Variants in KLF8 observed in about 807,000 individuals in gnomAD.
KLF8 encodes the protein Krueppel-like factor 8.
A neutral mutation model predicts 18.2 loss-of-function variants in KLF8; 10 were observed. The observed-to-expected ratio is 0.55, with a 90% CI of 0.34 to 0.93. KLF8 has a LOEUF of 0.93. Ranked by LOEUF, KLF8 falls within the 40% of genes least tolerant of loss-of-function variation. KLF8 has a pLI of 0.02. For synonymous variants in KLF8, 109 were observed against 97.3 expected, an observed-to-expected ratio of 1.12 and a Z score of -0.71; for missense variants, 264 against 277.9, an observed-to-expected ratio of 0.95 and a Z score of 0.36.
the KLF8 span, among the ~76,000 whole-genome samples, chrX:56,216,224 T>A: frequency 0.027 from 3,036 of 110,648 alleles, 87 homozygotes; most frequent in African/African-American, 0.095. Context: ...AGCCTCCTAA[T>A]TGGTCTCCCC....
At chrX:56,242,968 A>G in intron 1 of KLF8, 2 of 471,896 alleles carry the variant, frequency 4.2e-6, no homozygotes, top group Non-Finnish European at 7.8e-6. Context: ...GGCAACATCC[A>G]AAGCATTGTA....
chrX:56,276,343 G>A (rs761160575), intron 5 of KLF8, among the ~76,000 whole-genome samples: 7 of 111,481 alleles, frequency 6.3e-5, no homozygotes, highest in Non-Finnish European at 1.1e-4. Context: ...TTACCAGTGA[G>A]TTGTGTACCT....
chrX:56,117,584 C>A, the KLF8 span, among the ~76,000 whole-genome samples: 1 of 111,886 alleles, frequency 8.9e-6, no homozygotes, highest in Admixed American at 9.5e-5. Context: ...AACAGTGAAA[C>A]AATTATTCTA....
chrX:56,156,874 T>C, the KLF8 span, among the ~76,000 whole-genome samples: 41 of 107,899 alleles, frequency 3.8e-4, no homozygotes, highest in Admixed American at 4.1e-3. Context: ...GCTTCATCCA[T>C]AACCCTACAA....
At chrX:55,980,321 A>C in the KLF8 span, among the ~76,000 whole-genome samples, 47 of 112,287 alleles carry the variant, frequency 4.2e-4, no homozygotes, top group Non-Finnish European at 8.1e-4. Context: ...TTTAATACTC[A>C]GGTCAGACAT....
chrX:56,181,797 C>CT, the KLF8 span, among the ~76,000 whole-genome samples: 1 of 105,375 alleles, frequency 9.5e-6, no homozygotes, highest in African/African-American at 3.6e-5. Context: ...GCTCCCCCCC[C>CT]TTCTGGCTTG....
the KLF8 span, among the ~76,000 whole-genome samples, chrX:56,155,696 C>T: frequency 9.0e-5 from 10 of 111,156 alleles, 1 homozygote; most frequent in South Asian, 3.4e-3. Flanking sequence ...ACAGGATGTA[C>T]ATTATAGATT....
Position 56,265,827 on chromosome X carries a change from T to G in KLF8, c.646+83T>G, listed in dbSNP as rs927996124. The stretch of plus-strand genomic sequence containing the variant: ...ATCCTATCTCCTGTCTCTTTTCACT[T>G]CCTCCAATTATTCTTGCACACTGCT... On this transcript the variant is annotated intron_variant, in intron 3 of 5. Coordinates refer to ENST00000468660, the MANE Select transcript of KLF8 (RefSeq NM_007250.5). 6.3e-6 allele frequency: 7 copies of G among 1,109,492 alleles called. No individual in the cohort carries two copies. The African/African-American group carries it at 1.1e-4, about 18-fold the overall frequency. The allele number at this position is 1,109,492 out of a possible 1,213,427, so 91.4% of individuals were successfully genotyped here.
At chrX:56,037,922 T>C in the KLF8 span, among the ~76,000 whole-genome samples, 2 of 112,017 alleles carry the variant, frequency 1.8e-5, 1 homozygote, top group Middle Eastern at 9.1e-3. Flanking sequence ...TATTTATTTC[T>C]TCTAAATATT....
chrX:56,087,539 G>T, the KLF8 span, among the ~76,000 whole-genome samples: 5 of 110,591 alleles, frequency 4.5e-5, no homozygotes, highest in African/African-American at 1.3e-4. Context: ...TCAAGCAGAT[G>T]CCAGCATCAT....
rs1240059509 is a variant in KLF8, at chrX:56,287,580, G to A, written c.*3086G>A. On this transcript the variant is annotated 3_prime_UTR_variant, in exon 6 of 6. Coordinates refer to ENST00000468660, the MANE Select transcript of KLF8 (RefSeq NM_007250.5). ...TTGCAGCAGAATTCCTCTATCTGAT[G>A]ATCAGCAGTTGAACATAAACTTCAT... 3.6e-5 allele frequency: 4 copies of A among 112,003 alleles called. No homozygotes were observed. Among genetic ancestry groups the A allele is most frequent in the Non-Finnish European group, 7.5e-5 (4 of 53,201 alleles). 9.2% of individuals were successfully genotyped at this position (112,003 alleles called of 1,213,427 possible). A position where few individuals can be genotyped will look rare whatever the true frequency, so the allele number is the denominator to read the frequency against.
the KLF8 span, among the ~76,000 whole-genome samples, chrX:56,062,868 A>C: frequency 3.6e-5 from 4 of 110,109 alleles, no homozygotes; most frequent in Admixed American, 9.7e-5. Context: ...GCTCCTTTTC[A>C]TTCTTTTTTT....
chrX:56,053,951 C>A, the KLF8 span, among the ~76,000 whole-genome samples: 2 of 110,578 alleles, frequency 1.8e-5, no homozygotes, highest in Non-Finnish European at 3.8e-5. Context: ...TGTCAAAAAA[C>A]CAACTCCTTG....
chrX:56,009,989 G>C, the KLF8 span, among the ~76,000 whole-genome samples: 1 of 111,919 alleles, frequency 8.9e-6, no homozygotes. Flanking sequence ...GACTGATTGG[G>C]GTACCTGAAA....
At chrX:55,942,850 G>A in the KLF8 span, among the ~76,000 whole-genome samples, 1 of 112,107 alleles carries the variant, frequency 8.9e-6, no homozygotes, top group Non-Finnish European at 1.9e-5. Context: ...AATGTGGCTG[G>A]TGCATAGTCA....
At chrX:56,017,170 T>A in the KLF8 span, among the ~76,000 whole-genome samples, 1 of 112,399 alleles carries the variant, frequency 8.9e-6, no homozygotes, top group Non-Finnish European at 1.9e-5. Context: ...TATGTTTTTA[T>A]TTGTTATTAA....
At chrX:56,191,337 G>A in the KLF8 span, among the ~76,000 whole-genome samples, 2 of 111,689 alleles carry the variant, frequency 1.8e-5, no homozygotes, top group African/African-American at 3.2e-5. Context: ...AGCTAAGAAA[G>A]GTCTGGGACC....
At chrX:55,944,107 G>T in the KLF8 span, among the ~76,000 whole-genome samples, 1 of 111,467 alleles carries the variant, frequency 9.0e-6, no homozygotes, top group Admixed American at 9.6e-5. Flanking sequence ...TTTTGTCTTT[G>T]ATTCTGTTTA....
chrX:55,998,135 C>T, the KLF8 span, among the ~76,000 whole-genome samples: 6 of 112,511 alleles, frequency 5.3e-5, no homozygotes, highest in Admixed American at 1.9e-4. Flanking sequence ...TATTGCTGCC[C>T]ACATGTCCCA....
Sources: gnomAD v4.1 joint callset for allele counts (sites outside exome capture counted in the v4.1 genomes callset) on GRCh38, gnomAD v4.1.1 for gene constraint, MANE v1.5 for transcripts, NCBI Gene and HGNC (gene_info 2026-07-23, HGNC 2026-07-21) for gene names.